UNC13C: variants seen among roughly 807,000 people sequenced by gnomAD.
UNC13C encodes unc-13 homolog C, also known as protein unc-13 homolog C.
Under a neutral mutation model 245.4 loss-of-function variants are expected in UNC13C, and 174 were observed. That is an observed-to-expected ratio of 0.71 (90% CI 0.63 to 0.80). UNC13C has a LOEUF of 0.80. Among genes scored for constraint, UNC13C ranks in the 30% least tolerant of loss-of-function variants. UNC13C has a pLI of 0.00. For synonymous variants in UNC13C, 992 were observed against 895.1 expected (o/e 1.11, Z -1.93); for missense variants, 2,829 against 2,602.9 (o/e 1.09, Z -1.89).
the UNC13C span, among the ~76,000 whole-genome samples, chr15:53,840,415 C>A: frequency 6.6e-6 from 1 of 151,916 alleles, no homozygotes; most frequent in Non-Finnish European, 1.5e-5. Flanking sequence ...CTCTAGAAAG[C>A]CATTAAGACT....
chr15:53,889,232 A>G, the UNC13C span, among the ~76,000 whole-genome samples: 1 of 152,130 alleles, frequency 6.6e-6, no homozygotes, highest in Non-Finnish European at 1.5e-5. Flanking sequence ...TTCCTTGAGC[A>G]GTAGTTTGTG....
At chr15:54,324,311 T>C (rs2038238762) in intron 14 of UNC13C, among the ~76,000 whole-genome samples, 1 of 152,050 alleles carries the variant, frequency 6.6e-6, no homozygotes, top group Non-Finnish European at 1.5e-5. Flanking sequence ...GCTCCCTTCT[T>C]GATCCTTCTC....
At position 53,981,417 on chromosome 15, in the gene UNC13C, C is replaced by T. The variant is rs112284974; in HGVS notation, c.-257+2490C>T. Among the ~76,000 whole-genome samples the T allele has an allele frequency of 5.5e-3, 844 of 152,254 alleles. 10 individuals are homozygous for T. The highest frequency in any genetic ancestry group is 0.02 in the African/African-American group (811 of 41,568). ...ACATGCCAAGTTTGTTTCTGAAATA[C>T]ACTTTTATAGCTAGAAAGCCACTTT... On this transcript the variant is annotated intron_variant, in intron 1 of 32. Transcript: ENST00000260323.
intron 19 of UNC13C, among the ~76,000 whole-genome samples, chr15:54,482,335 G>A (rs948951311): frequency 4.6e-5 from 7 of 152,094 alleles, no homozygotes; most frequent in African/African-American, 7.2e-5. Flanking sequence ...GGGTCTTGGA[G>A]GGGTTACAGG....
chr15:54,537,784 T>C (rs997255622), intron 26 of UNC13C, among the ~76,000 whole-genome samples: 17 of 152,134 alleles, frequency 1.1e-4, no homozygotes, highest in African/African-American at 4.1e-4. Context: ...TGGCTAGCCA[T>C]ATGCAGAAGA....
At chr15:54,273,485 C>T (rs562347456) in intron 10 of UNC13C, among the ~76,000 whole-genome samples, 1 of 152,282 alleles carries the variant, frequency 6.6e-6, no homozygotes, top group South Asian at 2.1e-4. Flanking sequence ...TTTCCCAACT[C>T]TAGCACTCAG....
chr15:54,060,304 A>T (rs371672763), intron 2 of UNC13C, among the ~76,000 whole-genome samples: 51 of 152,298 alleles, frequency 3.3e-4, no homozygotes, highest in Non-Finnish European at 5.4e-4. Flanking sequence ...AAAAGTGGGC[A>T]AAGGATATGA....
chr15:53,895,246 C>G, the UNC13C span, among the ~76,000 whole-genome samples: 1 of 150,654 alleles, frequency 6.6e-6, no homozygotes, highest in Non-Finnish European at 1.5e-5. Flanking sequence ...CGTCTGTAAT[C>G]CCAGTTACTC....
chr15:54,161,709 G>A lies in UNC13C; in HGVS notation c.3071+18025G>A, dbSNP rs565471713. On this transcript the variant is annotated intron_variant, in intron 4 of 32. Transcript: ENST00000260323. ...CTCACACCTGTAATCCCAGCACTTT[G>A]GGAGGCCAGGGTGGGCATATTACCT... Among the ~76,000 whole-genome samples the A allele has an allele frequency of 2.5e-3, 387 of 152,142 alleles. 4 individuals are homozygous for A. The highest frequency in any genetic ancestry group is 9.0e-3 in the African/African-American group (375 of 41,518).
chr15:54,601,969 G>T (rs1899459099), intron 30 of UNC13C, among the ~76,000 whole-genome samples: 1 of 152,146 alleles, frequency 6.6e-6, no homozygotes, highest in South Asian at 2.1e-4. Flanking sequence ...GGATTGACTT[G>T]CACTCCCCTC....
chr15:53,885,589 G>T, the UNC13C span, among the ~76,000 whole-genome samples: 1 of 152,112 alleles, frequency 6.6e-6, no homozygotes, highest in Admixed American at 6.6e-5. Flanking sequence ...CTGGGTCTTT[G>T]GATCTTTATT....
At chr15:54,146,743 A>C (rs2032277137) in intron 4 of UNC13C, among the ~76,000 whole-genome samples, 3 of 152,224 alleles carry the variant, frequency 2.0e-5, no homozygotes, top group African/African-American at 7.2e-5. Context: ...TCATACAGAA[A>C]GCACACAGCA....
At chr15:53,995,445 C>G (rs532599820) in intron 1 of UNC13C, among the ~76,000 whole-genome samples, 119 of 152,174 alleles carry the variant, frequency 7.8e-4, no homozygotes, top group Non-Finnish European at 1.3e-3. Context: ...TCTTGTTCCT[C>G]TTGTCTACAT....
chr15:54,196,531 G>A (rs927035412), intron 4 of UNC13C, among the ~76,000 whole-genome samples: 3 of 152,132 alleles, frequency 2.0e-5, no homozygotes, highest in Admixed American at 2.0e-4. Context: ...ACAGTACGAA[G>A]CAGGAAAGTT....
At chr15:54,042,708 C>G (rs1896858535) in intron 2 of UNC13C, among the ~76,000 whole-genome samples, 1 of 152,030 alleles carries the variant, frequency 6.6e-6, no homozygotes, top group African/African-American at 2.4e-5. Flanking sequence ...AAGAAATTAG[C>G]CGGGCATGGT....
chr15:54,192,760 C>G (rs1034726101), intron 4 of UNC13C, among the ~76,000 whole-genome samples: 1 of 152,102 alleles, frequency 6.6e-6, no homozygotes, highest in Admixed American at 6.6e-5. Context: ...CGGCTTCCCA[C>G]TGGGCCTTCA....
intron 8 of UNC13C, among the ~76,000 whole-genome samples, chr15:54,256,077 T>C (rs1373041860): frequency 1.3e-5 from 2 of 152,194 alleles, no homozygotes; most frequent in Admixed American, 6.5e-5. Flanking sequence ...ATAATCTGAC[T>C]TCCAGTCTTA....
intron 4 of UNC13C, among the ~76,000 whole-genome samples, chr15:54,217,321 A>C (rs898400692): frequency 2.0e-5 from 3 of 151,982 alleles, no homozygotes; most frequent in Admixed American, 6.6e-5. Flanking sequence ...ATGTGGCATC[A>C]TCAGAGCTAA....
At chr15:54,212,117 G>T (rs1423234462) in intron 4 of UNC13C, among the ~76,000 whole-genome samples, 1 of 152,034 alleles carries the variant, frequency 6.6e-6, no homozygotes, top group Non-Finnish European at 1.5e-5. Context: ...TGCTACCTTT[G>T]TTCCATTATC....
Sources: gnomAD v4.1 joint callset for allele counts (sites outside exome capture counted in the v4.1 genomes callset) on GRCh38, gnomAD v4.1.1 for gene constraint, MANE v1.5 for transcripts, NCBI Gene and HGNC (gene_info 2026-07-23, HGNC 2026-07-21) for gene names.